NBAS: variants seen among roughly 807,000 people sequenced by gnomAD.
NBAS encodes the protein NAG/BC035112 fusion.
In NBAS, 219 loss-of-function variants were observed where a neutral mutation model predicts 302.5. The ratio of observed to expected loss-of-function variants is 0.72; its 90% CI spans 0.65 to 0.81. The LOEUF (loss-of-function observed/expected upper bound fraction) is 0.81, where lower values mean the gene tolerates loss of function less well. NBAS is among the 30% of genes least tolerant of loss of function. The probability of loss-of-function intolerance (pLI) is 0.00; values close to 1 mark genes in which losing one functional copy is unlikely to be tolerated. For synonymous variants in NBAS, 1,118 were observed against 1,021.6 expected (o/e 1.09, Z -1.80); for missense variants, 2,932 against 2,841.6 (o/e 1.03, Z -0.72).
At position 15,250,394 on chromosome 2, in the gene NBAS, T is replaced by C. The variant is rs550408568; in HGVS notation, c.5725-11708A>G. On this transcript the variant is annotated intron_variant, in intron 44 of 51. Transcript: ENST00000281513. ...AATCTAGGCAATACCATTCAGGACA[T>C]AGGCATGGGCAAAGACTTAATGACT... Among the ~76,000 whole-genome samples the C allele has an allele frequency of 9.2e-5, 14 of 152,282 alleles. No homozygotes were observed. The South Asian group carries it at 2.9e-3, about 32-fold the overall frequency.
chr2:15,275,402 A>T, intron 44 of NBAS, 82 bp downstream of exon 44: 1 of 1,400,220 alleles, frequency 7.1e-7, no homozygotes, highest in Non-Finnish European at 9.7e-7. Context: ...GAAAGGAAAC[A>T]AAAATAAAAT....
chr2:15,012,780 C>A, the NBAS span, among the ~76,000 whole-genome samples: 1 of 152,068 alleles, frequency 6.6e-6, no homozygotes, highest in South Asian at 2.1e-4. Flanking sequence ...AAACTGTCAA[C>A]CAAGAATATT....
At chr2:15,024,551 C>T in the NBAS span, among the ~76,000 whole-genome samples, 1 of 152,156 alleles carries the variant, frequency 6.6e-6, no homozygotes, top group Non-Finnish European at 1.5e-5. Flanking sequence ...ACATTGCTTT[C>T]CACAAAAGCT....
At chr2:15,222,209 AG>A (rs1430373064) in intron 47 of NBAS, among the ~76,000 whole-genome samples, 2 of 152,252 alleles carry the variant, frequency 1.3e-5, no homozygotes, top group African/African-American at 2.4e-5. Context: ...ATTTCTGAGC[AG>A]TGAAACATCA....
chr2:15,185,560 T>C (rs1454181417), intron 50 of NBAS, among the ~76,000 whole-genome samples: 1 of 152,146 alleles, frequency 6.6e-6, no homozygotes, highest in Non-Finnish European at 1.5e-5. Context: ...ACAGACATGA[T>C]ATAGCCATGG....
the NBAS span, among the ~76,000 whole-genome samples, chr2:15,097,306 C>A: frequency 1.3e-5 from 2 of 152,204 alleles, no homozygotes; most frequent in Admixed American, 1.3e-4. Context: ...TGGTCAGACC[C>A]CTGAGGGGTA....
At chr2:15,115,428 A>C in the NBAS span, among the ~76,000 whole-genome samples, 2 of 152,238 alleles carry the variant, frequency 1.3e-5, no homozygotes, top group African/African-American at 4.8e-5. Flanking sequence ...ATTACCTTTG[A>C]TTAAGTGAAA....
intron 44 of NBAS, among the ~76,000 whole-genome samples, chr2:15,250,619 A>T (rs1668318920): frequency 6.6e-6 from 1 of 152,228 alleles, no homozygotes; most frequent in Non-Finnish European, 1.5e-5. Flanking sequence ...ATTTACAAGA[A>T]ATAAACAACC....
the NBAS span, among the ~76,000 whole-genome samples, chr2:14,786,900 C>T: frequency 3.3e-5 from 5 of 152,136 alleles, no homozygotes; most frequent in Non-Finnish European, 7.3e-5. Flanking sequence ...TCTCATTGAT[C>T]TGTCTAATGT....
At chr2:15,095,383 G>A in the NBAS span, among the ~76,000 whole-genome samples, 1 of 152,202 alleles carries the variant, frequency 6.6e-6, no homozygotes, top group African/African-American at 2.4e-5. Flanking sequence ...AGGCAAGAGA[G>A]AGAGAATGAG....
Position 15,461,356 on chromosome 2 carries a change from G to T in NBAS, c.2203-19C>A, listed in dbSNP as rs1452395625. The T allele has an allele frequency of 2.5e-6, 4 of 1,608,286 alleles. No individual in the cohort carries two copies. The Admixed American group carries it at 6.7e-5, about 27-fold the overall frequency. ...TACTTTCCTGTACAAAAGGCAAGGG[G>T]TAAGTTTCTAATGTAAATCTAAGAA... On this transcript the variant is annotated intron_variant, in intron 20 of 51. Coordinates refer to ENST00000281513, the MANE Select transcript of NBAS (RefSeq NM_015909.4).
At chr2:14,821,151 C>T in the NBAS span, among the ~76,000 whole-genome samples, 1 of 152,124 alleles carries the variant, frequency 6.6e-6, no homozygotes, top group Non-Finnish European at 1.5e-5. Flanking sequence ...TGGTCTCGAT[C>T]TCCTGACCTC....
the NBAS span, among the ~76,000 whole-genome samples, chr2:15,069,157 T>C: frequency 6.6e-6 from 1 of 152,358 alleles, no homozygotes; most frequent in African/African-American, 2.4e-5. Flanking sequence ...ACATTATGGA[T>C]TAAATTTCAA....
At chr2:15,151,729 T>G in the NBAS span, among the ~76,000 whole-genome samples, 3 of 152,246 alleles carry the variant, frequency 2.0e-5, no homozygotes, top group Admixed American at 2.0e-4. Context: ...TATATTTGAT[T>G]TTGATCAGTT....
chr2:15,048,291 G>A, the NBAS span, among the ~76,000 whole-genome samples: 1 of 152,220 alleles, frequency 6.6e-6, no homozygotes, highest in South Asian at 2.1e-4. Context: ...CGTGCCGGAT[G>A]CTCTTTCTCT....
At chr2:15,486,927 A>G (rs931532358) in intron 12 of NBAS, among the ~76,000 whole-genome samples, 1 of 152,202 alleles carries the variant, frequency 6.6e-6, no homozygotes, top group African/African-American at 2.4e-5. Context: ...GGACAAAAAA[A>G]AAAAAGTCTC....
the NBAS span, among the ~76,000 whole-genome samples, chr2:14,807,141 A>AGG: frequency 1.7e-3 from 260 of 150,794 alleles, no homozygotes; most frequent in African/African-American, 5.8e-3. Context: ...TGTAAATATC[A>AGG]GGGGGGGGTT....
At position 15,331,588 on chromosome 2, in the gene NBAS, G is replaced by A. The variant is rs989136158; in HGVS notation, c.4180-823C>T. On this transcript the variant is annotated intron_variant, in intron 35 of 51. Coordinates refer to ENST00000281513, the MANE Select transcript of NBAS (RefSeq NM_015909.4). ...CTTGTTGTGATCACAGAAGGATAAC[G>A]TAATAGCTTAGTTTGGCTACTTAGA... Among the ~76,000 whole-genome samples the A allele has an allele frequency of 1.5e-4, 23 of 152,258 alleles. No individual in the cohort carries two copies. In the South Asian group the frequency reaches 1.7e-3, roughly 11 times the overall value.
At chr2:15,532,228 G>A (rs966927014) in intron 9 of NBAS, among the ~76,000 whole-genome samples, 4 of 151,992 alleles carry the variant, frequency 2.6e-5, no homozygotes, top group African/African-American at 4.8e-5. Context: ...GGTGGCTCAC[G>A]CCTGTAATCC....
Sources: gnomAD v4.1 joint callset for allele counts (sites outside exome capture counted in the v4.1 genomes callset) on GRCh38, gnomAD v4.1.1 for gene constraint, MANE v1.5 for transcripts, NCBI Gene and HGNC (gene_info 2026-07-23, HGNC 2026-07-21) for gene names.